Variants in YIPF1 observed in about 807,000 individuals in gnomAD.
The protein encoded by YIPF1 is protein YIPF1.
YIPF1 carries 22 observed loss-of-function variants against 37.0 expected under a neutral mutation model. The observed-to-expected ratio is 0.59, with a 90% CI of 0.42 to 0.85. The LOEUF (loss-of-function observed/expected upper bound fraction) is 0.85. Ranked by LOEUF, YIPF1 falls within the 40% of genes least tolerant of loss-of-function variation. The pLI is 0.00. For synonymous variants in YIPF1, 128 were observed against 131.9 expected (o/e 0.97, Z 0.21); for missense variants, 355 against 373.1 (o/e 0.95, Z 0.40).
chr1:53,866,382 T>C lies in YIPF1; in HGVS notation c.649A>G (p.Ile217Val). 6.2e-7 allele frequency: 1 copy of C among 1,613,106 alleles called. No individual in the cohort carries two copies. Among genetic ancestry groups the C allele is most frequent in the Non-Finnish European group, 8.5e-7 (1 of 1,179,356 alleles). Reference protein sequence around the residue: ...YSLFIYIPTAILWIIPQKAVR... With the variant: ...YSLFIYIPTAVLWIIPQKAVR... ...GCTTTCTGGGGGATAATCCACAGTA[T>C]CTGAAAGAAGAGAAAAGGAGGAGCG... Residue 217 changes from isoleucine (I) to valine (V), a missense_variant and splice_region_variant, in exon 9 of 11, where the codon ATA (isoleucine) becomes GTA (valine). Transcript: ENST00000072644.
At chr1:53,863,801 G>A (rs754023560) in intron 9 of YIPF1, among the ~76,000 whole-genome samples, 10 of 151,942 alleles carry the variant, frequency 6.6e-5, no homozygotes, top group Non-Finnish European at 1.2e-4. Flanking sequence ...GTGCAGTGGC[G>A]CAATCTCAGT....
intron 6 of YIPF1, among the ~76,000 whole-genome samples, chr1:53,877,177 C>T (rs955054641): frequency 1.3e-5 from 2 of 152,134 alleles, no homozygotes; most frequent in Admixed American, 6.5e-5. Flanking sequence ...AGGCACAGAG[C>T]CTGCCCCTCA....
Position 53,866,900 on chromosome 1 carries a change from TAGATGA to T in YIPF1, c.500_505del (p.Ile167_Tyr169delinsAsn). 6.2e-7 allele frequency: 1 copy of T among 1,613,228 alleles called. No individual in the cohort carries two copies. The highest frequency in any genetic ancestry group is 8.5e-7 in the Non-Finnish European group (1 of 1,179,586). ...AAGAGGAACCAGCCAGGCATAGGCA[TAGATGA>T]TGGTAGCTGCTATGGACACTGAGGA... On this transcript the variant is annotated inframe_deletion, in exon 8 of 11. Coordinates refer to ENST00000072644, the MANE Select transcript of YIPF1 (RefSeq NM_018982.5).
chr1:53,854,260 GA>G (rs61453752), intron 10 of YIPF1, among the ~76,000 whole-genome samples: 151,382 of 151,454 alleles, frequency 1, 75,655 homozygotes, highest in Middle Eastern at 1. Flanking sequence ...TGAAAAAAAA[GA>G]AAAAAAAAAA....
intron 6 of YIPF1, among the ~76,000 whole-genome samples, chr1:53,874,948 T>G (rs61774830): frequency 0.033 from 5,018 of 152,296 alleles, 143 homozygotes; most frequent in East Asian, 0.12. Context: ...TGCTGATGGA[T>G]ATCTTGGTTG....
intron 2 of YIPF1, 30 bp from the exon 3 acceptor site, chr1:53,889,016 G>T (rs777785245): frequency 7.9e-7 from 1 of 1,267,252 alleles, no homozygotes. Flanking sequence ...AAACATAATA[G>T]GATGACAGTA....
intron 9 of YIPF1, among the ~76,000 whole-genome samples, chr1:53,862,400 C>A (rs1649907243): frequency 6.6e-6 from 1 of 152,168 alleles, no homozygotes; most frequent in Non-Finnish European, 1.5e-5. Context: ...TCAGCAGGTT[C>A]TCTGTGAGTA....
At chr1:53,857,980 CAA>C (rs34358598) in intron 10 of YIPF1, among the ~76,000 whole-genome samples, 213 of 96,972 alleles carry the variant, frequency 2.2e-3, no homozygotes, top group Middle Eastern at 5.4e-3. Context: ...GACTCCACCT[CAA>C]AAAAAAAAAA....
chr1:53,874,394 T>C (rs1367820066), intron 6 of YIPF1, among the ~76,000 whole-genome samples: 1 of 152,234 alleles, frequency 6.6e-6, no homozygotes, highest in Non-Finnish European at 1.5e-5. Flanking sequence ...TATGCATTTT[T>C]ATATTATGAA....
intron 10 of YIPF1, among the ~76,000 whole-genome samples, chr1:53,856,773 C>T (rs1303962728): frequency 6.6e-6 from 1 of 152,170 alleles, no homozygotes; most frequent in Non-Finnish European, 1.5e-5. Flanking sequence ...TATGCAAATA[C>T]TTCAAATATA....
intron 4 of YIPF1, among the ~76,000 whole-genome samples, chr1:53,882,495 T>C (rs902767858): frequency 6.6e-6 from 1 of 151,974 alleles, no homozygotes; most frequent in Non-Finnish European, 1.5e-5. Flanking sequence ...TCTCACTCTG[T>C]TGCCGAGGCT....
chr1:53,882,129 A>T (rs965198445), intron 4 of YIPF1, among the ~76,000 whole-genome samples: 1 of 152,150 alleles, frequency 6.6e-6, no homozygotes, highest in Non-Finnish European at 1.5e-5. Context: ...CAAACACCAC[A>T]TCTTCTCACT....
chr1:53,879,300 C>T (rs1460142912), intron 4 of YIPF1, among the ~76,000 whole-genome samples: 1 of 151,966 alleles, frequency 6.6e-6, no homozygotes, highest in African/African-American at 2.4e-5. Context: ...CATTATTTTG[C>T]CCAGGCTGGT....
In YIPF1 at chr1:53,851,781, C is replaced by G. The variant is rs1012050926; in HGVS notation, c.*498G>C. On this transcript the variant is annotated 3_prime_UTR_variant, in exon 11 of 11. Transcript: ENST00000072644. Reference sequence around the variant, plus strand: ...GCCATTCAGTTCAGCTGTCCAGTATCAGGTTACCAAAGACAAATTTTCAAG... The same window carrying G: ...GCCATTCAGTTCAGCTGTCCAGTATGAGGTTACCAAAGACAAATTTTCAAG... The G allele has an allele frequency of 1.2e-4, 18 of 152,304 alleles. No homozygotes were observed. The highest frequency in any genetic ancestry group is 4.3e-4 in the African/African-American group (18 of 41,562). 9.4% of individuals were successfully genotyped at this position (152,304 alleles called of 1,614,324 possible). A position where few individuals can be genotyped will look rare whatever the true frequency, so the allele number is the denominator to read the frequency against.
intron 3 of YIPF1, among the ~76,000 whole-genome samples, chr1:53,886,160 C>T (rs557749716): frequency 6.6e-6 from 1 of 151,882 alleles, no homozygotes; most frequent in South Asian, 2.1e-4. Flanking sequence ...GGAGAAGATA[C>T]CATATGAGAA....
At chr1:53,874,570 C>T (rs1486882159) in intron 6 of YIPF1, among the ~76,000 whole-genome samples, 1 of 151,870 alleles carries the variant, frequency 6.6e-6, no homozygotes, top group African/African-American at 2.4e-5. Context: ...AGTTTGAGAC[C>T]AGCCTGGCCA....
Position 53,866,204 on chromosome 1 carries a change from C to G in YIPF1, c.827G>C (p.Cys276Ser). The G allele has an allele frequency of 6.2e-7, 1 of 1,613,626 alleles. No individual in the cohort carries two copies. The highest frequency in any genetic ancestry group is 8.5e-7 in the Non-Finnish European group (1 of 1,179,708). ...AATATACGACTGAACCCATACCAAG[C>G]AGCCCACAGAAAGCAGCATATGGAG... ...VLLHMLLSVGCLAYFFDAPEM... is the reference protein window; with the variant it reads ...VLLHMLLSVGSLAYFFDAPEM... Residue 276 changes from cysteine to serine, a missense_variant, in exon 9 of 11, where the codon TGC becomes TCC. Cys to Ser is a moderately radical substitution (Grantham distance 112). Coordinates refer to ENST00000072644, the MANE Select transcript of YIPF1 (RefSeq NM_018982.5).
At chr1:53,882,075 T>A (rs574556155) in intron 4 of YIPF1, among the ~76,000 whole-genome samples, 96 of 151,924 alleles carry the variant, frequency 6.3e-4, no homozygotes, top group Middle Eastern at 3.4e-3. Context: ...ATGGATGGAG[T>A]TGGAAGCCAT....
chr1:53,882,865 T>C (rs1650538371), intron 4 of YIPF1: 1 of 330,578 alleles, frequency 3.0e-6, no homozygotes, highest in Admixed American at 5.0e-5. Context: ...TAGAAAATAT[T>C]GAGCATGGGA....
Sources: allele counts gnomAD v4.1 joint callset (sites outside exome capture counted in the v4.1 genomes callset), GRCh38; gene constraint gnomAD v4.1.1; transcripts MANE v1.5; gene names NCBI Gene and HGNC (gene_info 2026-07-23, HGNC 2026-07-21).